Variants in EYS observed in about 807,000 individuals in gnomAD.
EYS encodes the protein EGF-like photoreceptor maintenance factor.
EYS carries 250 observed loss-of-function variants against 282.1 expected under a neutral mutation model. That is an observed-to-expected ratio of 0.89 (90% CI 0.80 to 0.98). The LOEUF (loss-of-function observed/expected upper bound fraction) is 0.98, where lower values mean the gene tolerates loss of function less well. Among genes scored for constraint, EYS ranks in the 50% least tolerant of loss-of-function variants. The pLI, the probability that EYS is intolerant of heterozygous loss-of-function variation, is 0.00. For synonymous variants in EYS, 1,355 were observed against 1,282.9 expected (o/e 1.06, Z -1.20); for missense variants, 4,016 against 3,709.0 (o/e 1.08, Z -2.15).
chr6:65,618,758 A>T (rs368710140), intron 2 of EYS, among the ~76,000 whole-genome samples: 1 of 152,158 alleles, frequency 6.6e-6, no homozygotes, highest in Admixed American at 6.5e-5. Context: ...ATCCAGTTTC[A>T]GCTTTCTACA....
chr6:65,413,658 G>A (rs1767116204), intron 5 of EYS, among the ~76,000 whole-genome samples: 1 of 151,922 alleles, frequency 6.6e-6, no homozygotes, highest in Non-Finnish European at 1.5e-5. Context: ...AGGAGTTCGA[G>A]ACCAGCCTGG....
At chr6:63,740,074 CAAAAAGATAATGTGTAT>C (rs1217045580) in intron 41 of EYS, among the ~76,000 whole-genome samples, 1 of 151,970 alleles carries the variant, frequency 6.6e-6, no homozygotes, top group African/African-American at 2.4e-5. Context: ...ACAAAAATTC[CAAAAAGATAATGTGTAT>C]AACGAAGTGT....
intron 2 of EYS, among the ~76,000 whole-genome samples, chr6:65,531,289 G>C (rs959587306): frequency 6.6e-6 from 1 of 152,124 alleles, no homozygotes; most frequent in Non-Finnish European, 1.5e-5. Context: ...CAATACCTAT[G>C]TTAACATCAT....
At chr6:64,012,998 C>T (rs1252757094) in intron 33 of EYS, among the ~76,000 whole-genome samples, 2 of 152,080 alleles carry the variant, frequency 1.3e-5, no homozygotes, top group Non-Finnish European at 2.9e-5. Flanking sequence ...AGTCATGTGG[C>T]GGTCACTAGT....
Position 65,301,620 on chromosome 6 carries a change from C to T in EYS, c.1767-5501G>A, listed in dbSNP as rs560778968. On this transcript the variant is annotated intron_variant, in intron 11 of 42. Coordinates refer to ENST00000503581, the MANE Select transcript of EYS (RefSeq NM_001142800.2). ...ACTACTTTGGAGCTTGTCTCAAACTCCACATACAGAAAGCCACCGACCTTA... is the reference window on the plus strand; with the variant it reads ...ACTACTTTGGAGCTTGTCTCAAACTTCACATACAGAAAGCCACCGACCTTA... 7.0e-3 allele frequency among the ~76,000 whole-genome samples: 1,066 copies of T among 152,360 alleles called. 2 individuals are homozygous for T. The highest frequency in any genetic ancestry group is 0.012 in the Non-Finnish European group (833 of 68,024).
intron 7 of EYS, among the ~76,000 whole-genome samples, chr6:65,395,958 A>G (rs1292937739): frequency 2.0e-5 from 3 of 152,166 alleles, no homozygotes; most frequent in African/African-American, 7.2e-5. Context: ...GTTTGTCTTT[A>G]TCTGGCTGAT....
chr6:64,254,396 C>A (rs1258410892), intron 30 of EYS, among the ~76,000 whole-genome samples: 1 of 152,106 alleles, frequency 6.6e-6, no homozygotes, highest in African/African-American at 2.4e-5. Context: ...CTTGCTCCTG[C>A]ATGAAATATG....
At chr6:63,967,876 C>T (rs1275064088) in intron 35 of EYS, among the ~76,000 whole-genome samples, 1 of 152,102 alleles carries the variant, frequency 6.6e-6, no homozygotes, top group Admixed American at 6.6e-5. Context: ...GGGAGTAATC[C>T]TAGCTCGTAT....
At chr6:64,839,419 A>G (rs1368460046) in intron 19 of EYS, among the ~76,000 whole-genome samples, 1 of 152,084 alleles carries the variant, frequency 6.6e-6, no homozygotes, top group Non-Finnish European at 1.5e-5. Context: ...TTTTACTTCT[A>G]TATAACAGTG....
intron 2 of EYS, among the ~76,000 whole-genome samples, chr6:65,578,671 A>G (rs1035009923): frequency 2.6e-5 from 4 of 152,062 alleles, no homozygotes; most frequent in Non-Finnish European, 5.9e-5. Flanking sequence ...TTATTTCACA[A>G]TTTATACACA....
intron 13 of EYS, among the ~76,000 whole-genome samples, chr6:65,016,005 A>T (rs773625885): frequency 1.1e-3 from 159 of 150,768 alleles, no homozygotes; most frequent in Non-Finnish European, 3.5e-4. Flanking sequence ...AGATTGTGCC[A>T]CTGCAATCCA....
At chr6:65,286,007 G>T (rs1453360817) in intron 12 of EYS, among the ~76,000 whole-genome samples, 1 of 151,840 alleles carries the variant, frequency 6.6e-6, no homozygotes, top group African/African-American at 2.4e-5. Flanking sequence ...GGTTAGCAAA[G>T]CTACTAGGTC....
intron 1 of EYS, among the ~76,000 whole-genome samples, chr6:65,695,329 G>A (rs1769408324): frequency 6.6e-6 from 1 of 151,970 alleles, no homozygotes; most frequent in African/African-American, 2.4e-5. Context: ...TATTACAGTA[G>A]GATTAATAAT....
intron 19 of EYS, among the ~76,000 whole-genome samples, chr6:64,833,586 T>A (rs1415799026): frequency 6.6e-6 from 1 of 151,884 alleles, no homozygotes; most frequent in Non-Finnish European, 1.5e-5. Context: ...TTATTACCTC[T>A]GAAGATACAT....
intron 12 of EYS, among the ~76,000 whole-genome samples, chr6:65,117,940 CA>C (rs1272186339): frequency 1.3e-5 from 2 of 151,860 alleles, no homozygotes; most frequent in Non-Finnish European, 2.9e-5. Context: ...CAGAAGGAGG[CA>C]AAACAATGAC....
In EYS at chr6:64,436,167, A is replaced by T. The variant is rs1378123564; in HGVS notation, c.5927+7T>A. 6.9e-7 allele frequency: 1 copy of T among 1,456,618 alleles called. No homozygotes were observed. Among genetic ancestry groups the T allele is most frequent in the Admixed American group, 2.2e-5 (1 of 45,804 alleles). The allele number at this position is 1,456,618 out of a possible 1,614,324, so 90.2% of individuals were successfully genotyped here. Reference sequence around the variant, plus strand: ...GAGATTAACTGGAAAAGAAATAATTATCTTACCTGATAAGCAGTGTATACT... The same window carrying T: ...GAGATTAACTGGAAAAGAAATAATTTTCTTACCTGATAAGCAGTGTATACT... On this transcript the variant is annotated splice_region_variant and intron_variant, in intron 28 of 42. Coordinates refer to ENST00000503581, the MANE Select transcript of EYS (RefSeq NM_001142800.2).
At chr6:63,813,657 G>A (rs1771104118) in intron 36 of EYS, among the ~76,000 whole-genome samples, 1 of 152,100 alleles carries the variant, frequency 6.6e-6, no homozygotes, top group Non-Finnish European at 1.5e-5. Context: ...AAAACCTGTG[G>A]GTGATTTTTT....
chr6:65,684,359 G>T (rs61422784), intron 1 of EYS, among the ~76,000 whole-genome samples: 1 of 152,076 alleles, frequency 6.6e-6, no homozygotes, highest in East Asian at 1.9e-4. Flanking sequence ...AGAAAGCTGT[G>T]GCACTTCCTC....
At chr6:64,498,242 A>G (rs1776946505) in intron 26 of EYS, among the ~76,000 whole-genome samples, 1 of 152,098 alleles carries the variant, frequency 6.6e-6, no homozygotes, top group Non-Finnish European at 1.5e-5. Flanking sequence ...GAGAGTTACT[A>G]AATTATTATT....
Sources: gnomAD v4.1 joint callset for allele counts (sites outside exome capture counted in the v4.1 genomes callset) on GRCh38, gnomAD v4.1.1 for gene constraint, MANE v1.5 for transcripts, NCBI Gene and HGNC (gene_info 2026-07-23, HGNC 2026-07-21) for gene names.